The following SGCD variants were observed in gnomAD, a reference collection of about 807,000 sequenced individuals.
SGCD encodes the protein sarcoglycan delta.
Under a neutral mutation model 36.6 loss-of-function variants are expected in SGCD, and 18 were observed. The observed-to-expected ratio is 0.49, with a 90% CI of 0.34 to 0.73. The LOEUF is 0.73. Ranked by LOEUF, SGCD falls within the 30% of genes least tolerant of loss-of-function variation. The pLI is 0.01. For missense variants in SGCD, 387 were observed against 346.7 expected (o/e 1.12, Z -0.92); for synonymous variants, 133 against 130.6 (o/e 1.02, Z -0.12).
chr5:155,739,201 A>G, the SGCD span, among the ~76,000 whole-genome samples: 1 of 152,218 alleles, frequency 6.6e-6, no homozygotes, highest in South Asian at 2.1e-4. Flanking sequence ...TGGAGACAGC[A>G]CTTATTTACC....
intron 3 of SGCD, among the ~76,000 whole-genome samples, chr5:156,446,872 C>T (rs565734184): frequency 6.6e-6 from 1 of 152,300 alleles, no homozygotes; most frequent in Admixed American, 6.5e-5. Flanking sequence ...AAGCCCTCCT[C>T]TCCAACTCCT....
At chr5:156,102,646 C>T (rs1174120633) in intron 1 of SGCD, among the ~76,000 whole-genome samples, 1 of 152,182 alleles carries the variant, frequency 6.6e-6, no homozygotes, top group Admixed American at 6.5e-5. Context: ...TGACTATTTG[C>T]TGAGAAGCAC....
intron 1 of SGCD, among the ~76,000 whole-genome samples, chr5:156,047,823 T>G (rs1018422740): frequency 6.6e-6 from 1 of 152,112 alleles, no homozygotes; most frequent in Non-Finnish European, 1.5e-5. Context: ...TATTTCTCTT[T>G]TCTTTTTTTT....
chr5:156,236,231 T>G (rs1219928800), intron 3 of SGCD, among the ~76,000 whole-genome samples: 1 of 152,188 alleles, frequency 6.6e-6, no homozygotes, highest in African/African-American at 2.4e-5. Context: ...TAGGACAAGA[T>G]TACAGTGTAT....
chr5:156,734,817 T>A (rs760236075), intron 7 of SGCD, among the ~76,000 whole-genome samples: 17 of 152,356 alleles, frequency 1.1e-4, no homozygotes, highest in Non-Finnish European at 2.2e-4. Context: ...TACTCTTTTA[T>A]TTAGCTCAGT....
the SGCD span, among the ~76,000 whole-genome samples, chr5:155,754,578 A>G: frequency 6.6e-6 from 1 of 152,240 alleles, no homozygotes; most frequent in East Asian, 1.9e-4. Flanking sequence ...TACCCAGATA[A>G]TCACATTACA....
chr5:156,016,674 G>T (rs897378893), intron 1 of SGCD, among the ~76,000 whole-genome samples: 2 of 151,934 alleles, frequency 1.3e-5, no homozygotes, highest in South Asian at 2.1e-4. Context: ...GTAATTTGCC[G>T]TGTTTACTTA....
At chr5:156,438,517 C>T (rs1272691122) in intron 3 of SGCD, among the ~76,000 whole-genome samples, 1 of 152,098 alleles carries the variant, frequency 6.6e-6, no homozygotes, top group Non-Finnish European at 1.5e-5. Context: ...TATGTTTCTA[C>T]ATGGTAGAAA....
chr5:156,364,557 G>T (rs558498492), intron 3 of SGCD, among the ~76,000 whole-genome samples: 1 of 152,302 alleles, frequency 6.6e-6, no homozygotes, highest in African/African-American at 2.4e-5. Flanking sequence ...GAGAAATCCA[G>T]TATGTGTGTG....
the SGCD span, among the ~76,000 whole-genome samples, chr5:155,852,976 A>G: frequency 1.3e-5 from 2 of 152,054 alleles, no homozygotes; most frequent in Non-Finnish European, 2.9e-5. Context: ...ACATGCTCCT[A>G]ATAATTCCTT....
chr5:156,611,713 A>G (rs1476429912), intron 6 of SGCD, among the ~76,000 whole-genome samples: 1 of 152,178 alleles, frequency 6.6e-6, no homozygotes, highest in Non-Finnish European at 1.5e-5. Flanking sequence ...CATTTGTATA[A>G]TGCAAACATT....
the SGCD span, among the ~76,000 whole-genome samples, chr5:155,731,792 C>T: frequency 4.6e-5 from 7 of 152,132 alleles, no homozygotes; most frequent in African/African-American, 1.7e-4. Flanking sequence ...CCCCTGGGAG[C>T]CTGTTCCAAT....
intron 3 of SGCD, among the ~76,000 whole-genome samples, chr5:156,262,183 T>A (rs1765885897): frequency 6.6e-6 from 1 of 152,116 alleles, no homozygotes; most frequent in Non-Finnish European, 1.5e-5. Flanking sequence ...ACTGACTCAC[T>A]CAGAGCAACT....
intron 1 of SGCD, among the ~76,000 whole-genome samples, chr5:156,087,886 G>A (rs1172149005): frequency 2.0e-5 from 3 of 152,168 alleles, no homozygotes; most frequent in Middle Eastern, 3.2e-3. Context: ...GAAGATTAGC[G>A]TGTTATTCTG....
chr5:156,757,597 C>G lies in SGCD; in HGVS notation c.592C>G (p.Arg198Gly). The G allele has an allele frequency of 1.2e-6, 2 of 1,607,920 alleles. No homozygotes were observed. The highest frequency in any genetic ancestry group is 1.7e-6 in the Non-Finnish European group (2 of 1,176,762). Residue 198 changes from arginine to glycine, a missense_variant, in exon 8 of 9, where the codon CGG (arginine) becomes GGG (glycine). Physicochemically the swap from Arg to Gly is moderately radical, Grantham distance 125. Transcript: ENST00000337851. The stretch of plus-strand genomic sequence containing the variant: ...GTTTTTCAGGTTGGAGTCCCCAACC[C>G]GGTCTCTAGTGATGGAGGCCCCAAA... ...FKELRLESPT[R>G]SLVMEAPKGV...
At chr5:156,012,025 C>T (rs1561682104) in intron 1 of SGCD, among the ~76,000 whole-genome samples, 1 of 152,210 alleles carries the variant, frequency 6.6e-6, no homozygotes, top group African/African-American at 2.4e-5. Context: ...TTAAGTACTA[C>T]ATTAGGAATT....
intron 7 of SGCD, among the ~76,000 whole-genome samples, chr5:156,670,918 G>A (rs1251663913): frequency 6.6e-6 from 1 of 152,038 alleles, no homozygotes; most frequent in Non-Finnish European, 1.5e-5. Context: ...TTAGCCATTG[G>A]TCGAGTCATC....
chr5:156,556,838 G>A (rs1759041773), intron 4 of SGCD, among the ~76,000 whole-genome samples: 2 of 152,120 alleles, frequency 1.3e-5, no homozygotes, highest in African/African-American at 4.8e-5. Context: ...AAAAATAGCT[G>A]CTTCTTTGTA....
intron 1 of SGCD, among the ~76,000 whole-genome samples, chr5:156,018,436 A>T (rs923431018): frequency 2.6e-5 from 4 of 152,242 alleles, no homozygotes; most frequent in Non-Finnish European, 5.9e-5. Flanking sequence ...ATTAACAAAC[A>T]TACACAAATA....
Sources: gnomAD v4.1 joint callset for allele counts (sites outside exome capture counted in the v4.1 genomes callset) on GRCh38, gnomAD v4.1.1 for gene constraint, MANE v1.5 for transcripts, NCBI Gene and HGNC (gene_info 2026-07-23, HGNC 2026-07-21) for gene names.